The following PXDNL variants were observed in gnomAD, a reference collection of about 807,000 sequenced individuals.
PXDNL encodes the protein peroxidasin like, also known as probable oxidoreductase PXDNL.
A neutral mutation model predicts 150.8 loss-of-function variants in PXDNL; 145 were observed. The ratio of observed to expected loss-of-function variants is 0.96; its 90% CI spans 0.84 to 1.10. PXDNL has a LOEUF of 1.10. PXDNL is among the 50% of genes least tolerant of loss of function. PXDNL has a pLI of 0.00. For synonymous variants in PXDNL, 757 were observed against 725.7 expected, an observed-to-expected ratio of 1.04 and a Z score of -0.69; for missense variants, 2,087 against 1,873.9, an observed-to-expected ratio of 1.11 and a Z score of -2.10.
Position 51,475,056 on chromosome 8 carries a change from TG to T in PXDNL, c.609del (p.His203GlnfsTer22), listed in dbSNP as rs767177902. On this transcript the variant is annotated frameshift_variant, in exon 7 of 23. Coordinates refer to ENST00000356297, the MANE Select transcript of PXDNL (RefSeq NM_144651.5). LOFTEE classifies it high-confidence loss of function. ...ELLQGFAQHGHTQAAATCEYP... is the reference protein window; with the variant it reads ...ELLQGFAQHGXTQAAATCEYP... Reference sequence around the variant, plus strand: ...TATTCGCAGGTAGCCGCAGCCTGGGTGTGGCCGTGTTGGGCAAAGCCTTGTA... The same window carrying T: ...TATTCGCAGGTAGCCGCAGCCTGGGTTGGCCGTGTTGGGCAAAGCCTTGTA... 7.4e-6 allele frequency: 12 copies of T among 1,613,594 alleles called. No homozygotes were observed.
chr8:51,552,392 C>A (rs1438004453), intron 4 of PXDNL, among the ~76,000 whole-genome samples: 1 of 152,166 alleles, frequency 6.6e-6, no homozygotes, highest in East Asian at 1.9e-4. Flanking sequence ...ATGTTTATAG[C>A]AGCACAATTT....
At chr8:51,428,434 G>C (rs897041884) in intron 12 of PXDNL, among the ~76,000 whole-genome samples, 1 of 152,216 alleles carries the variant, frequency 6.6e-6, no homozygotes, top group African/African-American at 2.4e-5. Context: ...AATAAAGTGA[G>C]AGCAACTGAT....
At chr8:51,731,538 A>G (rs1416826711) in intron 1 of PXDNL, among the ~76,000 whole-genome samples, 1 of 152,238 alleles carries the variant, frequency 6.6e-6, no homozygotes, top group Non-Finnish European at 1.5e-5. Context: ...TGGGGTCCGG[A>G]GGACGGTGGC....
intron 1 of PXDNL, among the ~76,000 whole-genome samples, chr8:51,735,569 C>T (rs1330918130): frequency 5.5e-5 from 3 of 54,722 alleles, no homozygotes; most frequent in African/African-American, 7.8e-5. Flanking sequence ...TTTTTTGAGA[C>T]GGAGTCTCGC....
At chr8:51,460,563 C>T (rs1378571298) in intron 8 of PXDNL, among the ~76,000 whole-genome samples, 1 of 150,128 alleles carries the variant, frequency 6.7e-6, no homozygotes, top group African/African-American at 2.5e-5. Context: ...GAAACACAGC[C>T]ACTGAGGCTG....
chr8:51,694,436 C>T (rs148845728), intron 1 of PXDNL, among the ~76,000 whole-genome samples: 29 of 152,318 alleles, frequency 1.9e-4, no homozygotes, highest in African/African-American at 6.7e-4. Flanking sequence ...ATTCAAGCCT[C>T]GCAGATATGT....
chr8:51,736,161 C>T (rs1030644562), intron 1 of PXDNL, among the ~76,000 whole-genome samples: 1 of 152,120 alleles, frequency 6.6e-6, no homozygotes, highest in Admixed American at 6.5e-5. Flanking sequence ...ATTTATCATT[C>T]GCAAGAAACA....
chr8:51,630,108 G>T (rs1369644843), intron 2 of PXDNL, among the ~76,000 whole-genome samples: 1 of 152,052 alleles, frequency 6.6e-6, no homozygotes, highest in Non-Finnish European at 1.5e-5. Flanking sequence ...CAATGGAAAA[G>T]AATAGAGTCC....
At chr8:51,405,133 A>G (rs1008887264) in intron 17 of PXDNL, among the ~76,000 whole-genome samples, 1 of 152,140 alleles carries the variant, frequency 6.6e-6, no homozygotes, top group African/African-American at 2.4e-5. Context: ...CCCACCCAGA[A>G]CTGGCGCTGG....
intron 1 of PXDNL, among the ~76,000 whole-genome samples, chr8:51,778,506 G>A (rs1282986370): frequency 1.3e-5 from 2 of 152,108 alleles, no homozygotes; most frequent in Non-Finnish European, 2.9e-5. Flanking sequence ...TTCGCTAATA[G>A]AGTGGTTACT....
chr8:51,459,010 A>C (rs193023052), intron 8 of PXDNL, among the ~76,000 whole-genome samples: 13 of 152,356 alleles, frequency 8.5e-5, no homozygotes, highest in African/African-American at 2.9e-4. Context: ...TTTCAGAAAA[A>C]ACAGGCATGC....
intron 12 of PXDNL, among the ~76,000 whole-genome samples, chr8:51,445,655 C>T (rs539333784): frequency 3.9e-5 from 6 of 152,234 alleles, no homozygotes; most frequent in Non-Finnish European, 8.8e-5. Flanking sequence ...GATTTGGCAA[C>T]AGGGAAAAAT....
intron 2 of PXDNL, among the ~76,000 whole-genome samples, chr8:51,593,819 A>G (rs1380316244): frequency 6.6e-6 from 1 of 152,186 alleles, no homozygotes; most frequent in Non-Finnish European, 1.5e-5. Context: ...AGAACAACCA[A>G]TCTACAGCTT....
intron 5 of PXDNL, among the ~76,000 whole-genome samples, chr8:51,493,853 G>C (rs1156582886): frequency 5.9e-5 from 9 of 152,078 alleles, no homozygotes; most frequent in South Asian, 4.2e-4. Flanking sequence ...TTGGAAAACA[G>C]TCTGCAGGAT....
Position 51,464,957 on chromosome 8 carries a change from G to C in PXDNL, c.812+7230C>G, listed in dbSNP as rs547064366. Among the ~76,000 whole-genome samples, 4 of 152,266 alleles carry C rather than the reference G, an allele frequency of 2.6e-5. No individual in the cohort carries two copies. The East Asian group carries it at 7.7e-4, about 29-fold the overall frequency. On this transcript the variant is annotated intron_variant, in intron 8 of 22. Coordinates refer to ENST00000356297, the MANE Select transcript of PXDNL (RefSeq NM_144651.5). ...AAGGCTTGGACTACATGGAGTCACA[G>C]CCAAATTTTACCTGACATACAAAGA...
chr8:51,547,926 A>AT (rs1002273033), intron 4 of PXDNL, among the ~76,000 whole-genome samples: 1 of 152,114 alleles, frequency 6.6e-6, no homozygotes, highest in African/African-American at 2.4e-5. Context: ...TGAAGAAGAT[A>AT]TTTTTTAAAA....
At chr8:51,545,764 G>T (rs112830940) in intron 4 of PXDNL, among the ~76,000 whole-genome samples, 1 of 152,174 alleles carries the variant, frequency 6.6e-6, no homozygotes, top group African/African-American at 2.4e-5. Flanking sequence ...TGAGGGCACG[G>T]TCTTCTTGGT....
chr8:51,541,060 C>T (rs923692404), intron 4 of PXDNL, among the ~76,000 whole-genome samples: 8 of 151,936 alleles, frequency 5.3e-5, no homozygotes, highest in African/African-American at 1.9e-4. Flanking sequence ...TAGATCGAGA[C>T]CAGCCTGACC....
intron 1 of PXDNL, among the ~76,000 whole-genome samples, chr8:51,729,087 T>C (rs1715732983): frequency 6.6e-6 from 1 of 152,226 alleles, no homozygotes; most frequent in Non-Finnish European, 1.5e-5. Context: ...TATAGGTTTG[T>C]AGCCTGAGAG....
Sources: allele counts gnomAD v4.1 joint callset (sites outside exome capture counted in the v4.1 genomes callset), GRCh38; gene constraint gnomAD v4.1.1; transcripts MANE v1.5; gene names NCBI Gene and HGNC (gene_info 2026-07-23, HGNC 2026-07-21).